MYL5: variants seen among roughly 807,000 people sequenced by gnomAD.
The protein encoded by MYL5 is myosin regulatory light chain 5.
MYL5 carries 28 observed loss-of-function variants against 20.8 expected under a neutral mutation model. The ratio of observed to expected loss-of-function variants is 1.35; its 90% CI spans 1.00 to 1.84. MYL5 has a LOEUF of 1.84. Ranked by LOEUF, MYL5 falls within the 40% of genes most tolerant of loss-of-function variation. The pLI is 0.00. For synonymous variants in MYL5, 118 were observed against 87.4 expected, an observed-to-expected ratio of 1.35 and a Z score of -1.95; for missense variants, 274 against 227.3, an observed-to-expected ratio of 1.21 and a Z score of -1.32.
At chr4:681,660 GCCC>G (rs1319957094) in intron 6 of MYL5, among the ~76,000 whole-genome samples, 4 of 6,666 alleles carry the variant, frequency 6.0e-4, no homozygotes, top group Non-Finnish European at 8.2e-4. Context: ...CTCCAGCGCC[GCCC>G]CGCCCCCTCC....
upstream of MYL5, chr4:676,340 C>T (rs1473427222): frequency 2.0e-5 from 3 of 152,380 alleles, no homozygotes; most frequent in Non-Finnish European, 4.4e-5. Context: ...CAGCAGCTTC[C>T]ACCAGAGGTG....
intron 2 of MYL5, 56 bp downstream of exon 4, chr4:678,821 G>C: frequency 6.2e-7 from 1 of 1,607,412 alleles, no homozygotes; most frequent in Non-Finnish European, 8.5e-7. Flanking sequence ...GTGCTGGGAA[G>C]ACCCCATGTG....
chr4:680,597 C>CGGG lies in MYL5; in HGVS notation c.371+11_371+13dup, dbSNP rs59434534. 8 of 1,612,530 alleles carry CGGG rather than the reference C, an allele frequency of 5.0e-6. No individual in the cohort carries two copies. In the African/African-American group the frequency reaches 9.4e-5, roughly 19 times the overall value. On this transcript the variant is annotated intron_variant, in intron 5 of 6. Transcript: ENST00000400159. ...AAATCAACAAGGAGTAGTGAGTGCC[C>CGGG]GGGCGGCCAGGGCGGCCCGGCTTCC...
At chr4:675,264 C>T (rs971183297), upstream of MYL5, 1 of 152,416 alleles carries the variant, frequency 6.6e-6, no homozygotes, top group East Asian at 1.9e-4. Context: ...GGCTTGGAGT[C>T]TAGGCAGGAG....
rs575949561 is a variant in MYL5 at position 680,639 on chromosome 4, C to T, written c.371+52C>T. On this transcript the variant is annotated intron_variant, in intron 5 of 6. Transcript: ENST00000400159. ...CCGGCTTCCGGGGAACCCCAGTGAT[C>T]TCATCCTGTCCCAAAAGGGACAGTC... 120 of 1,574,066 alleles carry T rather than the reference C, an allele frequency of 7.6e-5. 2 individuals carry two copies. The South Asian group carries it at 1.3e-3, about 16-fold the overall frequency.
chr4:680,585 G>A, exon 5 of MYL5: 3 of 1,612,654 alleles, frequency 1.9e-6, no homozygotes, highest in South Asian at 1.1e-5. Flanking sequence ...TCAACAAGGA[G>A]TAGTGAGTGC....
chr4:676,981 C>T (rs1043934693), upstream of MYL5: 1 of 965,026 alleles, frequency 1.0e-6, no homozygotes. Context: ...GGGGGTAGGA[C>T]CTCTGCTCAA....
upstream of MYL5, chr4:675,868 G>A (rs987880872): frequency 2.6e-5 from 4 of 152,264 alleles, no homozygotes; most frequent in Non-Finnish European, 2.9e-5. Flanking sequence ...AGAATCTAAT[G>A]CCTGATGAAC....
At chr4:677,585 G>C (rs1319802376), upstream of MYL5, among the ~76,000 whole-genome samples, 1 of 152,224 alleles carries the variant, frequency 6.6e-6, no homozygotes, top group Non-Finnish European at 1.5e-5. Context: ...GAGTGTGCTT[G>C]GCAGAAGCCC....
intron 4 of MYL5, 124 bp from the exon 7 acceptor site, chr4:680,385 C>A: frequency 9.5e-7 from 1 of 1,050,018 alleles, no homozygotes; most frequent in South Asian, 1.3e-5. Context: ...CAGAGGCCAC[C>A]TTGTGGGCAG....
intron 1 of MYL5, chr4:678,233 G>C (rs1739053474): frequency 1.3e-6 from 2 of 1,488,386 alleles, no homozygotes; most frequent in African/African-American, 1.4e-5. Flanking sequence ...GTGCTGTGTT[G>C]TGGGAAGTAC....
intron 3 of MYL5, 56 bp from the exon 6 acceptor site, chr4:679,858 G>A: frequency 6.7e-7 from 1 of 1,489,526 alleles, no homozygotes. Context: ...GTCACCTGCT[G>A]GTGGCACAGG....
At chr4:681,819 C>G in intron 6 of MYL5, 74 bp from the exon 9 acceptor site, 1 of 1,263,762 alleles carries the variant, frequency 7.9e-7, no homozygotes, top group Non-Finnish European at 1.0e-6. Context: ...GAAACCACAC[C>G]CGGGGCCGCT....
At chr4:681,062 G>A (rs1739432816) in intron 5 of MYL5, 30 bp from the exon 8 acceptor site, 4 of 1,577,036 alleles carry the variant, frequency 2.5e-6, no homozygotes, top group Admixed American at 1.8e-5. Flanking sequence ...CCCCGCATCA[G>A]CCCGCGCTGA....
chr4:678,546 C>G, intron 1 of MYL5, 112 bp from the exon 4 acceptor site: 1 of 1,475,102 alleles, frequency 6.8e-7, no homozygotes, highest in Non-Finnish European at 9.0e-7. Flanking sequence ...CCCCTCCAGC[C>G]CGAAGGGCTG....
At chr4:680,668 C>A in intron 5 of MYL5, 81 bp downstream of exon 7, 1 of 1,382,518 alleles carries the variant, frequency 7.2e-7, no homozygotes, top group Non-Finnish European at 1.0e-6. Context: ...GACAGTCAGC[C>A]ACCAGATGCC....
At chr4:680,736 C>A in intron 5 of MYL5, 149 bp downstream of exon 7, 1 of 811,570 alleles carries the variant, frequency 1.2e-6, no homozygotes, top group Non-Finnish European at 1.9e-6. Context: ...ACCCAGGATC[C>A]CAGCTGAGTG....
At chr4:678,116 C>T (rs1171722745) in intron 1 of MYL5, 87 bp downstream of exon 3, 34 of 1,579,642 alleles carry the variant, frequency 2.2e-5, no homozygotes, top group East Asian at 9.4e-5. Flanking sequence ...CGAGCGTGGG[C>T]GTGTCCGTGC....
exon 3 of MYL5, chr4:678,962 T>G (rs768516284): frequency 6.2e-7 from 1 of 1,613,724 alleles, no homozygotes; most frequent in Admixed American, 1.7e-5. Context: ...CCCCAGGCAT[T>G]CACACTCATG....
Sources: gnomAD v4.1 joint callset for allele counts (sites outside exome capture counted in the v4.1 genomes callset) on GRCh38, gnomAD v4.1.1 for gene constraint, MANE v1.5 for transcripts, NCBI Gene and HGNC (gene_info 2026-07-23, HGNC 2026-07-21) for gene names.